Variants in PRIMA1 observed in about 807,000 individuals in gnomAD.
PRIMA1 encodes the protein proline rich membrane anchor 1, also known as proline-rich membrane anchor 1.
PRIMA1 carries 7 observed loss-of-function variants against 17.5 expected under a neutral mutation model. That is an observed-to-expected ratio of 0.40 (90% confidence interval 0.23 to 0.75). The LOEUF is 0.75. PRIMA1 is among the 30% of genes least tolerant of loss of function. The pLI, the probability that PRIMA1 is intolerant of heterozygous loss-of-function variation, is 0.37. For missense variants in PRIMA1, 200 were observed against 201.8 expected (o/e 0.99, Z 0.05); for synonymous variants, 97 against 77.9 (o/e 1.25, Z -1.29).
chr14:93,772,247 C>T (rs1049584788), intron 3 of PRIMA1, among the ~76,000 whole-genome samples: 1 of 152,248 alleles, frequency 6.6e-6, no homozygotes, highest in African/African-American at 2.4e-5. Flanking sequence ...CCTGGCTCCA[C>T]CACTGTTGTG....
intron 1 of PRIMA1, 108 bp from the exon 2 acceptor site, chr14:93,787,857 G>T: frequency 7.5e-7 from 1 of 1,332,408 alleles, no homozygotes; most frequent in East Asian, 2.6e-5. Flanking sequence ...CCCGCACCCA[G>T]GGGCACCCTA....
intron 3 of PRIMA1, among the ~76,000 whole-genome samples, chr14:93,739,524 A>G (rs2076171587): frequency 6.6e-6 from 1 of 152,182 alleles, no homozygotes; most frequent in African/African-American, 2.4e-5. Context: ...TGGTGTGTGT[A>G]TGATAAACTT....
chr14:93,770,554 C>T (rs149541601), intron 3 of PRIMA1, among the ~76,000 whole-genome samples: 351 of 152,332 alleles, frequency 2.3e-3, no homozygotes, highest in Non-Finnish European at 3.9e-3. Context: ...TATTCCCTTT[C>T]GGTCAGCTCT....
chr14:93,746,728 C>T (rs187874498), intron 3 of PRIMA1, among the ~76,000 whole-genome samples: 6 of 151,974 alleles, frequency 3.9e-5, no homozygotes, highest in African/African-American at 7.2e-5. Flanking sequence ...AGCGAGATGG[C>T]GGGGCTCAGA....
intron 3 of PRIMA1, among the ~76,000 whole-genome samples, chr14:93,738,087 T>C (rs1453319021): frequency 1.3e-5 from 2 of 152,170 alleles, no homozygotes; most frequent in Non-Finnish European, 2.9e-5. Flanking sequence ...GGGGTGGGTA[T>C]TTGCCGCTGT....
At chr14:93,736,477 T>G (rs1301760364) in intron 4 of PRIMA1, among the ~76,000 whole-genome samples, 1 of 152,216 alleles carries the variant, frequency 6.6e-6, no homozygotes, top group Non-Finnish European at 1.5e-5. Context: ...CTGCAGCATG[T>G]GCATTTTGGG....
chr14:93,723,188 C>T (rs544394244), intron 4 of PRIMA1, among the ~76,000 whole-genome samples: 1 of 152,174 alleles, frequency 6.6e-6, no homozygotes, highest in Non-Finnish European at 1.5e-5. Context: ...GCTATCTCAT[C>T]CCCACGGGGC....
intron 3 of PRIMA1, among the ~76,000 whole-genome samples, chr14:93,754,003 C>T (rs551956033): frequency 1.3e-5 from 2 of 152,318 alleles, no homozygotes; most frequent in African/African-American, 4.8e-5. Flanking sequence ...TCTGAGCCTT[C>T]GCTAGGGTTT....
chr14:93,766,167 G>A (rs546057242), intron 3 of PRIMA1, among the ~76,000 whole-genome samples: 30 of 152,056 alleles, frequency 2.0e-4, no homozygotes, highest in Non-Finnish European at 3.7e-4. Flanking sequence ...TTGACACTAC[G>A]GTAGCAAACC....
intron 2 of PRIMA1, among the ~76,000 whole-genome samples, chr14:93,779,660 G>A (rs993780252): frequency 6.6e-6 from 1 of 152,152 alleles, no homozygotes; most frequent in Non-Finnish European, 1.5e-5. Flanking sequence ...GCTGCCCAAG[G>A]GTCTCACATT....
At chr14:93,737,043 A>G (rs2076154078) in intron 4 of PRIMA1, among the ~76,000 whole-genome samples, 198 bp downstream of exon 4, 1 of 152,274 alleles carries the variant, frequency 6.6e-6, no homozygotes, top group African/African-American at 2.4e-5. Context: ...TAAAATAGAT[A>G]TAGCAAATAC....
chr14:93,740,642 G>A (rs2076178994), intron 3 of PRIMA1, among the ~76,000 whole-genome samples: 1 of 152,230 alleles, frequency 6.6e-6, no homozygotes, highest in South Asian at 2.1e-4. Flanking sequence ...CACTCCTGTG[G>A]CTGGGGACAG....
chr14:93,762,121 G>A (rs973632496), intron 3 of PRIMA1, among the ~76,000 whole-genome samples: 4 of 152,154 alleles, frequency 2.6e-5, no homozygotes, highest in Admixed American at 2.0e-4. Flanking sequence ...TTGGGGACAC[G>A]CCAGTCCTGG....
intron 3 of PRIMA1, among the ~76,000 whole-genome samples, chr14:93,746,730 G>A (rs1326270139): frequency 6.6e-6 from 1 of 152,178 alleles, no homozygotes; most frequent in Non-Finnish European, 1.5e-5. Flanking sequence ...CGAGATGGCG[G>A]GGCTCAGACT....
At chr14:93,761,683 G>C (rs1436379567) in intron 3 of PRIMA1, among the ~76,000 whole-genome samples, 1 of 151,896 alleles carries the variant, frequency 6.6e-6, no homozygotes, top group South Asian at 2.1e-4. Context: ...CTCTATTCCC[G>C]CCCCAGAATC....
At chr14:93,758,078 G>A (rs2076303076) in intron 3 of PRIMA1, among the ~76,000 whole-genome samples, 1 of 152,152 alleles carries the variant, frequency 6.6e-6, no homozygotes, top group Non-Finnish European at 1.5e-5. Flanking sequence ...CCACGCCCTG[G>A]CTCATTCCTT....
intron 3 of PRIMA1, among the ~76,000 whole-genome samples, chr14:93,766,170 A>G (rs1480754416): frequency 6.6e-6 from 1 of 152,196 alleles, no homozygotes; most frequent in Admixed American, 6.5e-5. Context: ...ACACTACGGT[A>G]GCAAACCAAT....
intron 3 of PRIMA1, among the ~76,000 whole-genome samples, chr14:93,747,926 T>A (rs1172202880): frequency 1.1e-5 from 1 of 89,280 alleles, no homozygotes; most frequent in Non-Finnish European, 2.5e-5. Context: ...CTGTGTGGAG[T>A]GTGATTATGT....
At chr14:93,760,912 G>A (rs1025814222) in intron 3 of PRIMA1, among the ~76,000 whole-genome samples, 1 of 149,984 alleles carries the variant, frequency 6.7e-6, no homozygotes, top group Non-Finnish European at 1.5e-5. Context: ...TTCTTGACTG[G>A]TCTGTTGCCA....
Sources: allele counts gnomAD v4.1 joint callset (sites outside exome capture counted in the v4.1 genomes callset), GRCh38; gene constraint gnomAD v4.1.1; transcripts MANE v1.5; gene names NCBI Gene and HGNC (gene_info 2026-07-23, HGNC 2026-07-21).